Variants in C10orf90 observed in about 807,000 individuals in gnomAD.
C10orf90 encodes the protein (E2-independent) E3 ubiquitin-conjugating enzyme FATS.
A neutral mutation model predicts 62.5 loss-of-function variants in C10orf90; 56 were observed. That is an observed-to-expected ratio of 0.90 (90% CI 0.72 to 1.12). C10orf90 has a LOEUF of 1.12. C10orf90 is among the 50% of genes most tolerant of loss of function. The pLI is 0.00. For synonymous variants in C10orf90, 386 were observed against 340.4 expected, an observed-to-expected ratio of 1.13 and a Z score of -1.47; for missense variants, 970 against 880.4, an observed-to-expected ratio of 1.10 and a Z score of -1.29.
intron 2 of C10orf90, among the ~76,000 whole-genome samples, chr10:126,632,638 C>T (rs370135223): frequency 1.2e-4 from 18 of 152,170 alleles, no homozygotes; most frequent in South Asian, 1.0e-3. Context: ...GCAATAGGGG[C>T]TCCAATTCTC....
intron 4 of C10orf90, among the ~76,000 whole-genome samples, chr10:126,489,290 G>A (rs1861595179): frequency 6.6e-6 from 1 of 151,910 alleles, no homozygotes; most frequent in African/African-American, 2.4e-5. Flanking sequence ...TATTCTACAG[G>A]TGCATAAAAA....
chr10:126,603,786 G>T (rs1845249280), intron 2 of C10orf90, among the ~76,000 whole-genome samples: 1 of 152,118 alleles, frequency 6.6e-6, no homozygotes, highest in Non-Finnish European at 1.5e-5. Flanking sequence ...TACCTCCCAG[G>T]CCGAAAAGGC....
At position 126,504,128 on chromosome 10, in the gene C10orf90, C is replaced by T. The variant is rs374266171; in HGVS notation, c.1363G>A (p.Gly455Ser). The T allele has an allele frequency of 2.9e-5, 46 of 1,613,996 alleles. No individual in the cohort carries two copies. The highest frequency in any genetic ancestry group is 2.3e-4 in the African/African-American group (17 of 74,912). ...PSLRRVHLGT[G>S]ACPWSGSFPL... is the part of the protein sequence containing the mutation. ...AAAGAACCACTCCAAGGACAAGCGCCGGTCCCCAAATGCACCCGCCTCAAC... is the reference window on the plus strand; with the variant it reads ...AAAGAACCACTCCAAGGACAAGCGCTGGTCCCCAAATGCACCCGCCTCAAC... The change falls in exon 4 of 10, where the codon GGC (glycine) becomes AGC (serine). Residue 455 changes from glycine to serine, a missense_variant. Transcript: ENST00000488181. This position sits in a 1 kb window ranked among gnomAD's most constrained non-coding sequence, Gnocchi z 4.1.
intron 2 of C10orf90, among the ~76,000 whole-genome samples, chr10:126,562,368 CTG>C (rs1179356019): frequency 1.3e-5 from 2 of 152,330 alleles, no homozygotes; most frequent in East Asian, 3.9e-4. Flanking sequence ...AACCAACACT[CTG>C]CCTTCTTCCC....
At chr10:126,567,467 G>A (rs1041034016) in intron 2 of C10orf90, among the ~76,000 whole-genome samples, 3 of 152,144 alleles carry the variant, frequency 2.0e-5, no homozygotes, top group African/African-American at 7.2e-5. Flanking sequence ...AATTTGACAT[G>A]AGATTTGAGC....
chr10:126,636,020 C>T (rs1006275213), intron 2 of C10orf90, among the ~76,000 whole-genome samples: 3 of 152,052 alleles, frequency 2.0e-5, no homozygotes, highest in African/African-American at 4.8e-5. Flanking sequence ...GAGAAGGTTC[C>T]GGGAGGTTTT....
At chr10:126,527,028 A>G (rs1320902359) in intron 2 of C10orf90, among the ~76,000 whole-genome samples, 3 of 152,172 alleles carry the variant, frequency 2.0e-5, no homozygotes, top group Non-Finnish European at 2.9e-5. Flanking sequence ...GTGAAAATTC[A>G]TGCACAAGTT....
At chr10:126,564,896 T>A (rs796598750) in intron 2 of C10orf90, among the ~76,000 whole-genome samples, 1 of 9,590 alleles carries the variant, frequency 1.0e-4, no homozygotes, top group African/African-American at 3.8e-4. Context: ...ATATTATATA[T>A]AATATATAAA....
intron 1 of C10orf90, among the ~76,000 whole-genome samples, chr10:126,661,840 TG>T (rs1412636388): frequency 4.6e-5 from 7 of 152,162 alleles, no homozygotes; most frequent in African/African-American, 1.4e-4. Context: ...TGCCCCATTA[TG>T]GTGATGTCTT....
chr10:126,454,586 C>T lies in C10orf90; in HGVS notation c.2188+4454G>A, dbSNP rs558148780. Among the ~76,000 whole-genome samples, 17 of 152,038 alleles carry T rather than the reference C, an allele frequency of 1.1e-4. 1 individual carries two copies. The South Asian group carries it at 3.5e-3, about 32-fold the overall frequency. On this transcript the variant is annotated intron_variant, in intron 7 of 9. Transcript: ENST00000488181. ...CCCCTACTGCCTGCAGAGACTGTGT[C>T]CCCTACCTGCAGGGGCTGTACCCCT...
intron 2 of C10orf90, among the ~76,000 whole-genome samples, chr10:126,580,752 A>C (rs1373965946): frequency 6.6e-6 from 1 of 151,764 alleles, no homozygotes; most frequent in Non-Finnish European, 1.5e-5. Context: ...GTGTGTGTGC[A>C]TGCATGTGTG....
chr10:126,507,052 G>T (rs1862780705), intron 3 of C10orf90, among the ~76,000 whole-genome samples: 1 of 151,954 alleles, frequency 6.6e-6, no homozygotes, highest in Admixed American at 6.6e-5. Flanking sequence ...TTATATGTGG[G>T]TTTTTTAAAA....
At chr10:126,572,103 CAGG>C (rs1390095032) in intron 2 of C10orf90, among the ~76,000 whole-genome samples, 10 of 152,114 alleles carry the variant, frequency 6.6e-5, no homozygotes, top group Non-Finnish European at 1.2e-4. Flanking sequence ...GCTGTATTCC[CAGG>C]AGGTTAAAGC....
intron 2 of C10orf90, among the ~76,000 whole-genome samples, chr10:126,537,988 G>A (rs7350443): frequency 0.096 from 14,682 of 152,208 alleles, 849 homozygotes; most frequent in East Asian, 0.17. Context: ...AGAAAGCCAC[G>A]TAAAAATGAA....
chr10:126,476,667 T>C (rs1860888138), intron 4 of C10orf90, among the ~76,000 whole-genome samples: 2 of 152,240 alleles, frequency 1.3e-5, no homozygotes, highest in Non-Finnish European at 2.9e-5. Flanking sequence ...CTCCGCTTTC[T>C]AATCACTCCC....
intron 2 of C10orf90, among the ~76,000 whole-genome samples, chr10:126,544,220 G>A (rs1864438624): frequency 6.6e-6 from 1 of 152,186 alleles, no homozygotes; most frequent in African/African-American, 2.4e-5. Context: ...TGACTTCTGT[G>A]ACATACATTT....
At chr10:126,564,118 G>T (rs1844245102) in intron 2 of C10orf90, among the ~76,000 whole-genome samples, 1 of 152,108 alleles carries the variant, frequency 6.6e-6, no homozygotes, top group Non-Finnish European at 1.5e-5. Flanking sequence ...TGCTTGGGGA[G>T]ACATGGACCA....
At chr10:126,646,724 C>A in intron 1 of C10orf90, 87 bp from the exon 2 acceptor site, 1 of 295,836 alleles carries the variant, frequency 3.4e-6, no homozygotes, top group Non-Finnish European at 6.6e-6. Context: ...TTTTTTTAAT[C>A]AGGAACATCC....
Position 126,514,760 on chromosome 10 carries a change from C to T in C10orf90, c.314-821G>A, listed in dbSNP as rs1210932851. ...GCCTTACGCTACAGACCCTCAGCAGCCACAGCACCGCCCTGCGCCCCCCTC... is the reference window on the plus strand; with the variant it reads ...GCCTTACGCTACAGACCCTCAGCAGTCACAGCACCGCCCTGCGCCCCCCTC... On this transcript the variant is annotated intron_variant, in intron 2 of 9. Coordinates refer to ENST00000488181, the MANE Select transcript of C10orf90 (RefSeq NM_001350921.2). 2.0e-5 allele frequency among the ~76,000 whole-genome samples: 3 copies of T among 152,324 alleles called. No individual in the cohort carries two copies. The South Asian group carries it at 6.2e-4, about 32-fold the overall frequency.
Sources: allele counts gnomAD v4.1 joint callset (sites outside exome capture counted in the v4.1 genomes callset), GRCh38; gene constraint gnomAD v4.1.1; non-coding constraint Gnocchi (gnomAD v3.1); transcripts MANE v1.5; gene names NCBI Gene and HGNC (gene_info 2026-07-23, HGNC 2026-07-21).